ROBO2: variants seen among roughly 807,000 people sequenced by gnomAD.
ROBO2 encodes roundabout homolog 2.
A neutral mutation model predicts 160.8 loss-of-function variants in ROBO2; 53 were observed. The ratio of observed to expected loss-of-function variants is 0.33; its 90% CI spans 0.26 to 0.41. The LOEUF (loss-of-function observed/expected upper bound fraction) is 0.41, where lower values mean the gene tolerates loss of function less well. ROBO2 is among the 10% of genes least tolerant of loss of function. The pLI is 1.00. For missense variants in ROBO2, 1,577 were observed against 1,722.4 expected (o/e 0.92, Z 1.49); for synonymous variants, 664 against 611.7 (o/e 1.09, Z -1.26).
chr3:77,574,418 A>G (rs1559643212), intron 13 of ROBO2, 81 bp from the exon 15 acceptor site: 2 of 1,194,768 alleles, frequency 1.7e-6, no homozygotes, highest in East Asian at 4.8e-5. Context: ...CAGAAATGGG[A>G]CAAATGAAAA....
intron 2 of ROBO2, among the ~76,000 whole-genome samples, chr3:77,293,191 T>C (rs534362982): frequency 9.7e-5 from 14 of 144,548 alleles, no homozygotes; most frequent in African/African-American, 3.1e-4. Context: ...AGACATAAAG[T>C]AAAATTGACG....
intron 2 of ROBO2, among the ~76,000 whole-genome samples, chr3:77,423,662 G>A (rs1249301627): frequency 1.3e-5 from 2 of 152,072 alleles, no homozygotes; most frequent in Admixed American, 6.6e-5. Context: ...TATGTGCCCA[G>A]CATTTTTGCT....
intron 2 of ROBO2, among the ~76,000 whole-genome samples, chr3:76,471,704 A>G (rs1560002835): frequency 6.6e-6 from 1 of 152,136 alleles, no homozygotes; most frequent in East Asian, 1.9e-4. Flanking sequence ...TCATGCTGTT[A>G]TTAAGAACTG....
At chr3:77,555,426 G>A (rs2093078200) in intron 8 of ROBO2, among the ~76,000 whole-genome samples, 1 of 151,934 alleles carries the variant, frequency 6.6e-6, no homozygotes, top group South Asian at 2.1e-4. Flanking sequence ...CATAAAAGAT[G>A]AAATTGCTAA....
intron 2 of ROBO2, among the ~76,000 whole-genome samples, chr3:75,987,418 T>C (rs1173550156): frequency 6.6e-6 from 1 of 151,932 alleles, no homozygotes; most frequent in East Asian, 1.9e-4. Context: ...CTAACTTTGT[T>C]TATTAGTTTT....
At chr3:76,262,863 G>T (rs1326485717) in intron 2 of ROBO2, among the ~76,000 whole-genome samples, 1 of 152,042 alleles carries the variant, frequency 6.6e-6, no homozygotes, top group Non-Finnish European at 1.5e-5. Context: ...CACAGCTACT[G>T]CATACTTCTA....
intron 2 of ROBO2, among the ~76,000 whole-genome samples, chr3:76,168,571 G>C (rs1189918086): frequency 6.6e-6 from 1 of 151,956 alleles, no homozygotes; most frequent in Admixed American, 6.6e-5. Flanking sequence ...ATTCCATTTA[G>C]GTCTCATCAT....
rs2090027769 is a variant in ROBO2 at position 77,248,776 on chromosome 3, TC to T, written c.388+150437del. On this transcript the variant is annotated intron_variant, in intron 2 of 25. Coordinates refer to ENST00000461745, the Ensembl canonical transcript of ROBO2. The stretch of plus-strand genomic sequence containing the variant: ...AAATAGCTGCTTCAACATCACTTGC[TC>T]TTTTTTTTTTTTTTTTTTGAAGGAA... 2.2e-4 allele frequency among the ~76,000 whole-genome samples: 14 copies of T among 64,944 alleles called. No homozygotes were observed. The Admixed American group carries it at 2.9e-3, about 14-fold the overall frequency. 42.6% of individuals were successfully genotyped at this position (64,944 alleles called of 152,430 possible).
intron 2 of ROBO2, among the ~76,000 whole-genome samples, chr3:77,121,964 T>A (rs1253910593): frequency 7.9e-5 from 12 of 152,246 alleles, no homozygotes; most frequent in South Asian, 4.2e-4. Flanking sequence ...TAGATTTTTT[T>A]AAAAAAATTG....
chr3:76,989,828 G>A (rs1304142062), intron 2 of ROBO2, among the ~76,000 whole-genome samples: 1 of 152,140 alleles, frequency 6.6e-6, no homozygotes, highest in Non-Finnish European at 1.5e-5. Context: ...TTCTTATATA[G>A]TTTGTCTGTG....
At chr3:77,271,555 G>A (rs967469690) in intron 2 of ROBO2, among the ~76,000 whole-genome samples, 9 of 152,202 alleles carry the variant, frequency 5.9e-5, no homozygotes, top group African/African-American at 1.9e-4. Flanking sequence ...TGTGATTAGA[G>A]CCTCCACAGT....
chr3:76,502,386 G>T (rs1326350506), intron 2 of ROBO2, among the ~76,000 whole-genome samples: 1 of 152,076 alleles, frequency 6.6e-6, no homozygotes, highest in East Asian at 1.9e-4. Context: ...CCATTTCTTT[G>T]CTCTAAAGTA....
At chr3:76,397,802 A>G (rs1019192966) in intron 2 of ROBO2, among the ~76,000 whole-genome samples, 17 of 151,918 alleles carry the variant, frequency 1.1e-4, no homozygotes, top group East Asian at 1.9e-4. Context: ...TGAGAATGGC[A>G]ATCATTAAAA....
At chr3:77,454,218 G>A (rs2081392117) in intron 2 of ROBO2, among the ~76,000 whole-genome samples, 1 of 151,108 alleles carries the variant, frequency 6.6e-6, no homozygotes, top group Admixed American at 6.6e-5. Flanking sequence ...ATATTTTAAT[G>A]GTTACTGTTG....
At chr3:77,177,774 A>C (rs765551778) in intron 2 of ROBO2, among the ~76,000 whole-genome samples, 1 of 152,050 alleles carries the variant, frequency 6.6e-6, no homozygotes, top group African/African-American at 2.4e-5. Context: ...GCAAGGCCAT[A>C]TACTTTACAA....
At chr3:76,729,639 C>CTT (rs11292819) in intron 2 of ROBO2, among the ~76,000 whole-genome samples, 20 of 136,092 alleles carry the variant, frequency 1.5e-4, no homozygotes, top group Non-Finnish European at 2.2e-4. Flanking sequence ...CTCTCTCTCT[C>CTT]TTTTTTTTTT....
At chr3:76,311,145 C>G (rs1487949444) in intron 2 of ROBO2, 1 of 152,162 alleles carries the variant, frequency 6.6e-6, no homozygotes, top group African/African-American at 2.4e-5. Flanking sequence ...TGTAGCTTGG[C>G]TCAGGGCTAC....
intron 2 of ROBO2, among the ~76,000 whole-genome samples, chr3:77,016,341 GTGC>G (rs1181455380): frequency 6.6e-6 from 1 of 151,746 alleles, no homozygotes; most frequent in Non-Finnish European, 1.5e-5. Flanking sequence ...GCAGGTCATG[GTGC>G]CACTGTAAAT....
chr3:77,268,215 T>A (rs1580510768), intron 2 of ROBO2, among the ~76,000 whole-genome samples: 1 of 152,246 alleles, frequency 6.6e-6, no homozygotes, highest in South Asian at 2.1e-4. Flanking sequence ...GCTTCTTTTG[T>A]CTGAGTCTTC....
Sources: allele counts gnomAD v4.1 joint callset (sites outside exome capture counted in the v4.1 genomes callset), GRCh38; gene constraint gnomAD v4.1.1; transcripts MANE v1.5; gene names NCBI Gene and HGNC (gene_info 2026-07-23, HGNC 2026-07-21).